Variants in CDH9 observed in about 807,000 individuals in gnomAD.
CDH9 encodes cadherin 9.
A neutral mutation model predicts 70.9 loss-of-function variants in CDH9; 28 were observed. That is an observed-to-expected ratio of 0.40 (90% CI 0.29 to 0.54). CDH9 has a LOEUF of 0.54. CDH9 is among the 20% of genes least tolerant of loss of function. CDH9 has a pLI of 0.59. For synonymous variants in CDH9, 409 were observed against 343.1 expected (o/e 1.19, Z -2.12); for missense variants, 874 against 984.4 (o/e 0.89, Z 1.50).
At chr5:26,902,926 A>G in intron 6 of CDH9, 197 bp from the exon 7 acceptor site, 1 of 500,814 alleles carries the variant, frequency 2.0e-6, no homozygotes, top group Non-Finnish European at 3.5e-6. Flanking sequence ...GGTTAACTTA[A>G]TATAATGGCA....
intron 2 of CDH9, among the ~76,000 whole-genome samples, chr5:26,936,763 C>T (rs1741565796): frequency 6.6e-6 from 1 of 151,930 alleles, no homozygotes; most frequent in Non-Finnish European, 1.5e-5. Context: ...ACTGATCTCT[C>T]ACAAACAAGA....
At chr5:27,014,747 T>A (rs1475578521) in intron 1 of CDH9, among the ~76,000 whole-genome samples, 1 of 151,858 alleles carries the variant, frequency 6.6e-6, no homozygotes, top group African/African-American at 2.4e-5. Context: ...AGTTCATGGA[T>A]TATAATTATC....
At chr5:27,020,608 T>C (rs867706748) in intron 1 of CDH9, among the ~76,000 whole-genome samples, 4 of 151,676 alleles carry the variant, frequency 2.6e-5, no homozygotes, top group Non-Finnish European at 4.4e-5. Context: ...GTTAATTATA[T>C]ATTTTTTAAG....
intron 1 of CDH9, among the ~76,000 whole-genome samples, chr5:27,014,470 T>C (rs925036813): frequency 4.6e-5 from 7 of 151,920 alleles, no homozygotes; most frequent in African/African-American, 1.7e-4. Flanking sequence ...AGGAAGTTTG[T>C]CTTTAGCACC....
intron 5 of CDH9, among the ~76,000 whole-genome samples, chr5:26,904,549 G>C (rs1740913100): frequency 6.6e-6 from 1 of 151,980 alleles, no homozygotes; most frequent in Admixed American, 6.6e-5. Context: ...AGTCCTCAAA[G>C]GACCAATTTA....
In CDH9 at chr5:26,968,875, G is replaced by A. The variant is rs571665564; in HGVS notation, c.228+19231C>T. Among the ~76,000 whole-genome samples the A allele has an allele frequency of 8.5e-5, 13 of 152,260 alleles. No individual in the cohort carries two copies. The East Asian group carries it at 2.5e-3, about 29-fold the overall frequency. On this transcript the variant is annotated intron_variant, in intron 2 of 11. Coordinates refer to ENST00000231021, the MANE Select transcript of CDH9 (RefSeq NM_016279.4). ...GGTAAATAATTAAGATACTAAACAT[G>A]TATATAATGCAAAGTTAATACATCT... is the stretch of plus-strand genomic sequence containing the variant.
At chr5:26,916,551 C>T (rs188478411) in intron 2 of CDH9, among the ~76,000 whole-genome samples, 5 of 152,026 alleles carry the variant, frequency 3.3e-5, no homozygotes, top group African/African-American at 9.6e-5. Flanking sequence ...TGATAAGCAA[C>T]AATAACTAAT....
chr5:26,958,590 G>A (rs1284604953), intron 2 of CDH9, among the ~76,000 whole-genome samples: 3 of 152,030 alleles, frequency 2.0e-5, no homozygotes, highest in African/African-American at 4.8e-5. Context: ...ACGAAAACTG[G>A]CGACCTGTGA....
Position 26,888,073 on chromosome 5 carries a change from T to C in CDH9, c.1512+1763A>G, listed in dbSNP as rs1191908452. On this transcript the variant is annotated intron_variant, in intron 9 of 11. Coordinates refer to ENST00000231021, the MANE Select transcript of CDH9 (RefSeq NM_016279.4). The stretch of plus-strand genomic sequence containing the variant: ...GAAACTAATACAGCTGTAAATTATT[T>C]TTAAGTCCACATTTTTATGAAAAAA... 5.3e-5 allele frequency among the ~76,000 whole-genome samples: 8 copies of C among 152,112 alleles called. No individual in the cohort carries two copies. The East Asian group carries it at 1.4e-3, about 26-fold the overall frequency.
chr5:26,993,069 C>A (rs1046229213), intron 1 of CDH9, among the ~76,000 whole-genome samples: 2 of 142,844 alleles, frequency 1.4e-5, no homozygotes, highest in Non-Finnish European at 3.0e-5. Context: ...CCATTGCACT[C>A]TAACCTGGGC....
At chr5:26,997,740 T>C (rs992297930) in intron 1 of CDH9, among the ~76,000 whole-genome samples, 1 of 151,626 alleles carries the variant, frequency 6.6e-6, no homozygotes, top group Admixed American at 6.6e-5. Context: ...CCACTCTGTC[T>C]CCAGGCTGGA....
intron 2 of CDH9, among the ~76,000 whole-genome samples, chr5:26,981,097 A>T (rs527816349): frequency 6.6e-6 from 1 of 152,220 alleles, no homozygotes; most frequent in East Asian, 1.9e-4. Flanking sequence ...TTGAAATGCC[A>T]TTGGCTAATA....
At chr5:27,032,532 G>A (rs1743325982) in intron 1 of CDH9, among the ~76,000 whole-genome samples, 1 of 151,630 alleles carries the variant, frequency 6.6e-6, no homozygotes. Context: ...AGGGGAGGCA[G>A]AAAACTATTT....
At chr5:27,017,541 C>T (rs1216862643) in intron 1 of CDH9, among the ~76,000 whole-genome samples, 6 of 152,076 alleles carry the variant, frequency 3.9e-5, no homozygotes, top group African/African-American at 1.2e-4. Flanking sequence ...CTGTTCACAG[C>T]ATATCTCTGC....
chr5:26,923,395 TA>T (rs1394165781), intron 2 of CDH9, among the ~76,000 whole-genome samples: 14 of 151,954 alleles, frequency 9.2e-5, no homozygotes, highest in Middle Eastern at 3.4e-3. Context: ...AACCTATATA[TA>T]AAACCTTAGC....
intron 7 of CDH9, among the ~76,000 whole-genome samples, chr5:26,896,198 T>A (rs1740747501): frequency 6.6e-6 from 1 of 151,980 alleles, no homozygotes; most frequent in Non-Finnish European, 1.5e-5. Flanking sequence ...TAAACTGAAC[T>A]TTTTTAAAGC....
intron 2 of CDH9, among the ~76,000 whole-genome samples, chr5:26,945,589 T>C (rs1038184477): frequency 1.8e-4 from 27 of 152,180 alleles, no homozygotes; most frequent in African/African-American, 6.0e-4. Flanking sequence ...TTAGACTTGC[T>C]CCTCAAATAG....
intron 2 of CDH9, among the ~76,000 whole-genome samples, chr5:26,982,775 T>TG (rs1742421163): frequency 6.6e-6 from 1 of 151,832 alleles, no homozygotes; most frequent in Non-Finnish European, 1.5e-5. Flanking sequence ...CTCCGCCTCC[T>TG]GGGTTCAAGT....
At chr5:27,026,204 C>G (rs1485163747) in intron 1 of CDH9, among the ~76,000 whole-genome samples, 1 of 151,762 alleles carries the variant, frequency 6.6e-6, no homozygotes, top group Non-Finnish European at 1.5e-5. Context: ...AACACTGAAA[C>G]AAGAAATGGA....
Sources: gnomAD v4.1 joint callset for allele counts (sites outside exome capture counted in the v4.1 genomes callset) on GRCh38, gnomAD v4.1.1 for gene constraint, MANE v1.5 for transcripts, NCBI Gene and HGNC (gene_info 2026-07-23, HGNC 2026-07-21) for gene names.